SLX4IP: variants seen among roughly 807,000 people sequenced by gnomAD.
The protein encoded by SLX4IP is SLX4 interacting protein, also known as protein SLX4IP.
In SLX4IP, 34 loss-of-function variants were observed where a neutral mutation model predicts 32.9. The ratio of observed to expected loss-of-function variants is 1.03; its 90% CI spans 0.79 to 1.38. The LOEUF is 1.38. SLX4IP is among the 40% of genes most tolerant of loss of function. The pLI, the probability that SLX4IP is intolerant of heterozygous loss-of-function variation, is 0.00. For missense variants in SLX4IP, 444 were observed against 479.0 expected, an observed-to-expected ratio of 0.93 and a Z score of 0.68; for synonymous variants, 172 against 171.7, an observed-to-expected ratio of 1.00 and a Z score of -0.01.
intron 2 of SLX4IP, among the ~76,000 whole-genome samples, chr20:10,531,986 C>T (rs937520682): frequency 6.6e-6 from 1 of 152,182 alleles, no homozygotes; most frequent in African/African-American, 2.4e-5. Context: ...GCTTCATCTC[C>T]TATAACTCCA....
At chr20:10,591,899 A>G (rs1359085929) in intron 4 of SLX4IP, among the ~76,000 whole-genome samples, 1 of 152,206 alleles carries the variant, frequency 6.6e-6, no homozygotes, top group Non-Finnish European at 1.5e-5. Context: ...CCATGTGAAC[A>G]ATCTCTGATG....
intron 2 of SLX4IP, among the ~76,000 whole-genome samples, chr20:10,502,187 C>T (rs981572631): frequency 2.0e-5 from 3 of 152,174 alleles, no homozygotes; most frequent in African/African-American, 7.2e-5. Context: ...GGAGAGATGG[C>T]TTCCATTTAA....
At chr20:10,512,126 C>T (rs2065812662) in intron 2 of SLX4IP, among the ~76,000 whole-genome samples, 1 of 152,154 alleles carries the variant, frequency 6.6e-6, no homozygotes, top group South Asian at 2.1e-4. Context: ...TAACTCATCT[C>T]TGCCATTATT....
chr20:10,465,160 C>T lies in SLX4IP; in HGVS notation c.27+6929C>T, dbSNP rs112443222. On this transcript the variant is annotated intron_variant, in intron 2 of 7. Coordinates refer to ENST00000334534, the MANE Select transcript of SLX4IP (RefSeq NM_001009608.3). ...AACTGAAAGAAGTGGTAGCAGCAGGCGCATCTCCCCAAGGCTTCATAGCAA... is the reference window on the plus strand; with the variant it reads ...AACTGAAAGAAGTGGTAGCAGCAGGTGCATCTCCCCAAGGCTTCATAGCAA... Among the ~76,000 whole-genome samples, 1,420 of 152,232 alleles carry T rather than the reference C, an allele frequency of 9.3e-3. 23 individuals carry two copies. The highest frequency in any genetic ancestry group is 0.069 in the South Asian group (332 of 4,814).
chr20:10,475,487 A>G (rs1277964458), intron 2 of SLX4IP, among the ~76,000 whole-genome samples: 1 of 152,192 alleles, frequency 6.6e-6, no homozygotes, highest in Admixed American at 6.5e-5. Flanking sequence ...TCAGTGTGCT[A>G]TTGAGCTGGT....
intron 2 of SLX4IP, among the ~76,000 whole-genome samples, chr20:10,474,063 C>CCCA (rs1309788884): frequency 8.6e-5 from 13 of 152,012 alleles, no homozygotes; most frequent in Non-Finnish European, 1.5e-5. Flanking sequence ...CCTCAGATGA[C>CCCA]CCACCTGCCT....
At chr20:10,587,085 A>G (rs1300317911) in intron 4 of SLX4IP, among the ~76,000 whole-genome samples, 1 of 152,130 alleles carries the variant, frequency 6.6e-6, no homozygotes, top group African/African-American at 2.4e-5. Context: ...ACAGGACAAT[A>G]AAAGAGAAGA....
intron 6 of SLX4IP, among the ~76,000 whole-genome samples, chr20:10,611,154 C>A (rs2066962416): frequency 6.6e-6 from 1 of 152,098 alleles, no homozygotes; most frequent in Non-Finnish European, 1.5e-5. Flanking sequence ...TATTATATGC[C>A]CCCCAAATAA....
chr20:10,573,446 AAG>A (rs1257531442), intron 4 of SLX4IP, among the ~76,000 whole-genome samples: 2 of 152,186 alleles, frequency 1.3e-5, no homozygotes, highest in Admixed American at 1.3e-4. Context: ...TTCTATTTTT[AAG>A]AGTCATTTTT....
chr20:10,593,843 T>C (rs555616903), intron 4 of SLX4IP, among the ~76,000 whole-genome samples: 6 of 152,348 alleles, frequency 3.9e-5, no homozygotes, highest in African/African-American at 1.4e-4. Flanking sequence ...TATTTTAGAT[T>C]AAAAGAGATA....
In SLX4IP at chr20:10,622,700, C is replaced by T. The variant is rs138545867; in HGVS notation, c.548C>T (p.Ser183Leu). Reference sequence around the variant, plus strand: ...ACAAAAAGCAGTGTCACGAGCAAATCGCAGACCAGAAGAGACACTGTGGAA... The same window carrying T: ...ACAAAAAGCAGTGTCACGAGCAAATTGCAGACCAGAAGAGACACTGTGGAA... ...TETKSSVTSKSQTRRDTVETS... is the reference protein window; with the variant it reads ...TETKSSVTSKLQTRRDTVETS... The change falls in exon 8 of 8, where the codon TCG becomes TTG. Residue 183 changes from serine to leucine, a missense_variant. Physicochemically the swap from Ser to Leu is moderately radical, Grantham distance 145. Transcript: ENST00000334534. 1.2e-5 allele frequency: 19 copies of T among 1,612,794 alleles called. No individual in the cohort carries two copies. The highest frequency in any genetic ancestry group is 9.4e-5 in the African/African-American group (7 of 74,838).
intron 2 of SLX4IP, among the ~76,000 whole-genome samples, chr20:10,498,229 G>A (rs2065685880): frequency 6.6e-6 from 1 of 151,634 alleles, no homozygotes; most frequent in African/African-American, 2.4e-5. Context: ...CCAGTGGGCA[G>A]CTCTGTTCAG....
In SLX4IP at chr20:10,533,096, A is replaced by G. The variant is rs2066003604; in HGVS notation, c.28-23135A>G. ...GGCCCACAAGCAATATTTTTGTGTC[A>G]AGAAGGAGAAACTTCAGTATTTCAA... is the stretch of plus-strand genomic sequence containing the variant. On this transcript the variant is annotated intron_variant, in intron 2 of 7. Coordinates refer to ENST00000334534, the MANE Select transcript of SLX4IP (RefSeq NM_001009608.3). Among the ~76,000 whole-genome samples the G allele has an allele frequency of 2.6e-5, 4 of 152,106 alleles. No individual in the cohort carries two copies. In the South Asian group the frequency reaches 6.2e-4, roughly 24 times the overall value.
At chr20:10,505,599 T>C (rs1327254669) in intron 2 of SLX4IP, among the ~76,000 whole-genome samples, 1 of 152,160 alleles carries the variant, frequency 6.6e-6, no homozygotes, top group African/African-American at 2.4e-5. Context: ...AGATCCGTGT[T>C]TGGTAACCAT....
intron 4 of SLX4IP, among the ~76,000 whole-genome samples, chr20:10,574,847 A>C (rs2066506914): frequency 6.6e-6 from 1 of 151,914 alleles, no homozygotes; most frequent in Non-Finnish European, 1.5e-5. Context: ...TAATTTTTGT[A>C]TTTTTAGTAG....
At chr20:10,602,478 T>A (rs1030997327) in intron 6 of SLX4IP, among the ~76,000 whole-genome samples, 1 of 152,218 alleles carries the variant, frequency 6.6e-6, no homozygotes, top group African/African-American at 2.4e-5. Flanking sequence ...GCTGAACATG[T>A]ACACTTGAGA....
In SLX4IP at chr20:10,464,291, G is replaced by A. The variant is rs548033019; in HGVS notation, c.27+6060G>A. On this transcript the variant is annotated intron_variant, in intron 2 of 7. Transcript: ENST00000334534. Reference sequence around the variant, plus strand: ...CCTGCCTCAGCCTCCTGAGTAGCTGGGACTACAGATGTGCACCACTACACC... The same window carrying A: ...CCTGCCTCAGCCTCCTGAGTAGCTGAGACTACAGATGTGCACCACTACACC... 4.6e-5 allele frequency among the ~76,000 whole-genome samples: 7 copies of A among 152,164 alleles called. No individual in the cohort carries two copies. In the East Asian group the frequency reaches 1.4e-3, roughly 29 times the overall value.
intron 4 of SLX4IP, among the ~76,000 whole-genome samples, chr20:10,574,267 G>A (rs1482035345): frequency 6.6e-6 from 1 of 152,124 alleles, no homozygotes; most frequent in Non-Finnish European, 1.5e-5. Context: ...TTCCAGAAAG[G>A]TTAGAATTGT....
At chr20:10,498,897 T>C (rs632424) in intron 2 of SLX4IP, among the ~76,000 whole-genome samples, 31,181 of 151,964 alleles carry the variant, frequency 0.21, 3,685 homozygotes, top group East Asian at 0.27. Flanking sequence ...GTTAGAACAA[T>C]AGCGATTCTT....
Sources: gnomAD v4.1 joint callset for allele counts (sites outside exome capture counted in the v4.1 genomes callset) on GRCh38, gnomAD v4.1.1 for gene constraint, MANE v1.5 for transcripts, NCBI Gene and HGNC (gene_info 2026-07-23, HGNC 2026-07-21) for gene names.